FCRL5: variants seen among roughly 807,000 people sequenced by gnomAD.
The protein encoded by FCRL5 is Fc receptor like 5.
Under a neutral mutation model 92.1 loss-of-function variants are expected in FCRL5, and 79 were observed. The observed-to-expected ratio is 0.86, with a 90% CI of 0.72 to 1.03. The LOEUF (loss-of-function observed/expected upper bound fraction) is 1.03. Ranked by LOEUF, FCRL5 falls within the 50% of genes least tolerant of loss-of-function variation. The pLI, the probability that FCRL5 is intolerant of heterozygous loss-of-function variation, is 0.00. For synonymous variants in FCRL5, 466 were observed against 469.3 expected, an observed-to-expected ratio of 0.99 and a Z score of 0.09; for missense variants, 1,160 against 1,181.1, an observed-to-expected ratio of 0.98 and a Z score of 0.26.
chr1:157,519,762 G>C lies in FCRL5; in HGVS notation c.2641C>G (p.Pro881Ala), dbSNP rs1433085618. The part of the protein sequence containing the change: ...CWLSRKAGRK[P>A]ASDPARSPSD... ...TCTTACCTGGCGGGGTCAGAGGCAGGCTTTCTCCCTGTAAAGGAAAGCAGA... is the reference window on the plus strand; with the variant it reads ...TCTTACCTGGCGGGGTCAGAGGCAGCCTTTCTCCCTGTAAAGGAAAGCAGA... The change falls in exon 13 of 17, where the codon CCT (proline) becomes GCT (alanine). Residue 881 changes from proline (P) to alanine (A), a missense_variant. Coordinates refer to ENST00000361835, the MANE Select transcript of FCRL5 (RefSeq NM_031281.3). The C allele has an allele frequency of 6.8e-6, 11 of 1,614,042 alleles. No homozygotes were observed. In the East Asian group the frequency reaches 2.0e-4, roughly 29 times the overall value.
chr1:157,526,780 G>A (rs1650446774), intron 9 of FCRL5, among the ~76,000 whole-genome samples: 1 of 152,072 alleles, frequency 6.6e-6, no homozygotes, highest in African/African-American at 2.4e-5. Context: ...TGGGAGTTCT[G>A]TTGAGGTCTG....
chr1:157,530,702 G>T (rs188365623), intron 8 of FCRL5, among the ~76,000 whole-genome samples: 120 of 152,318 alleles, frequency 7.9e-4, no homozygotes, highest in African/African-American at 2.8e-3. Flanking sequence ...CCATTGTATA[G>T]ATATGCTATA....
At chr1:157,518,634 C>T in intron 14 of FCRL5, 66 bp downstream of exon 14, 1 of 1,511,022 alleles carries the variant, frequency 6.6e-7, no homozygotes, top group Non-Finnish European at 9.1e-7. Flanking sequence ...CTCCCCATCT[C>T]CTGCCCCACC....
Position 157,520,466 on chromosome 1 carries a change from G to A in FCRL5, c.2597C>T (p.Ala866Val). Residue 866 changes from alanine (A) to valine (V), a missense_variant, in exon 12 of 17, where the codon GCA becomes GTA. Physicochemically the swap from Ala to Val is moderately conservative, Grantham distance 64. Coordinates refer to ENST00000361835, the MANE Select transcript of FCRL5 (RefSeq NM_031281.3). Reference sequence around the variant, plus strand: ...CGAGAGCCAGCAGTAGAGCAGCAGTGCCCCCGCAGCAAGGCCTGCTATGCT... The same window carrying A: ...CGAGAGCCAGCAGTAGAGCAGCAGTACCCCCGCAGCAAGGCCTGCTATGCT... ...LLSIAGLAAG[A>V]LLLYCWLSRK... The A allele has an allele frequency of 6.4e-7, 1 of 1,573,622 alleles. No homozygotes were observed. Among genetic ancestry groups the A allele is most frequent in the Non-Finnish European group, 8.6e-7 (1 of 1,158,984 alleles).
At chr1:157,520,967 G>T in intron 11 of FCRL5, 50 bp downstream of exon 11, 1 of 1,555,928 alleles carries the variant, frequency 6.4e-7, no homozygotes. Context: ...CAGAGGGTCC[G>T]CGGAGGAAAC....
rs1171986674 is a variant in FCRL5 at position 157,524,433 on chromosome 1, A to G, written c.2085T>C (p.His695=). ...GSSPILYWFY[H]EDVTLGKISA... ...AGATCTTACCCAGGGTGACATCTTC[A>G]TGATAAAACCAGTACAGGATTGGGG... Residue 695 remains histidine (H), a synonymous_variant, in exon 10 of 17, where the codon CAT becomes CAC. Transcript: ENST00000361835. 1 of 1,614,228 alleles carries G rather than the reference A, an allele frequency of 6.2e-7. No individual in the cohort carries two copies. Among genetic ancestry groups the G allele is most frequent in the Non-Finnish European group, 8.5e-7 (1 of 1,180,032 alleles).
At chr1:157,524,605 T>A (rs1650351229) in intron 9 of FCRL5, 48 bp from the exon 10 acceptor site, 1 of 1,515,686 alleles carries the variant, frequency 6.6e-7, no homozygotes, top group Non-Finnish European at 8.9e-7. Flanking sequence ...CTAAAATATA[T>A]TCCTTCATGC....
At chr1:157,541,747 T>G (rs1651271240) in intron 6 of FCRL5, 1 of 152,286 alleles carries the variant, frequency 6.6e-6, no homozygotes, top group South Asian at 2.1e-4. Context: ...TATTAGCCCC[T>G]ACGAACTGTG....
At chr1:157,523,083 G>T (rs950848217) in intron 10 of FCRL5, among the ~76,000 whole-genome samples, 1 of 152,192 alleles carries the variant, frequency 6.6e-6, no homozygotes, top group African/African-American at 2.4e-5. Flanking sequence ...GGTTGCACTG[G>T]CTACTTTGTG....
rs1227419032 is a variant in FCRL5, at chr1:157,513,825, A to G, written c.*1850T>C. 1 of 152,154 alleles carries G rather than the reference A, an allele frequency of 6.6e-6. No homozygotes were observed. The highest frequency in any genetic ancestry group is 1.5e-5 in the Non-Finnish European group (1 of 68,042). The allele number at this position is 152,154 out of a possible 1,614,324, so 9.4% of individuals were successfully genotyped here. ...CTTTGTTGGTGATGTGACCTCCAGAACAGACTGTGAGCAGATTTTTTTCTT... is the reference window on the plus strand; with the variant it reads ...CTTTGTTGGTGATGTGACCTCCAGAGCAGACTGTGAGCAGATTTTTTTCTT... On this transcript the variant is annotated 3_prime_UTR_variant, in exon 17 of 17. Coordinates refer to ENST00000361835, the MANE Select transcript of FCRL5 (RefSeq NM_031281.3).
intron 9 of FCRL5, among the ~76,000 whole-genome samples, chr1:157,525,064 G>A (rs1650368300): frequency 6.6e-6 from 1 of 152,174 alleles, no homozygotes; most frequent in African/African-American, 2.4e-5. Flanking sequence ...CATTTAATAA[G>A]TCCCAAGAAT....
intron 8 of FCRL5, 152 bp from the exon 9 acceptor site, chr1:157,528,047 T>A (rs987053087): frequency 6.9e-6 from 6 of 863,444 alleles, no homozygotes; most frequent in Non-Finnish European, 1.0e-5. Flanking sequence ...ACTGATGACA[T>A]GATTGTATAC....
chr1:157,530,343 A>G (rs2101615886), intron 8 of FCRL5, among the ~76,000 whole-genome samples: 2 of 152,302 alleles, frequency 1.3e-5, no homozygotes, highest in Middle Eastern at 3.4e-3. Flanking sequence ...CAACTTGATA[A>G]TTTTGGAAAT....
chr1:157,544,268 C>A lies in FCRL5; in HGVS notation c.838G>T (p.Val280Leu). 1 of 1,614,076 alleles carries A rather than the reference C, an allele frequency of 6.2e-7. No individual in the cohort carries two copies. The highest frequency in any genetic ancestry group is 8.5e-7 in the Non-Finnish European group (1 of 1,179,926). Residue 280 changes from valine to leucine, a missense_variant, in exon 5 of 17, where the codon GTG (valine) becomes TTG (leucine). Physicochemically the swap from Val to Leu is conservative, Grantham distance 32. Transcript: ENST00000361835. Reference protein sequence around the residue: ...ISDSPRSWIQVQIPASHPVLT... With the variant: ...ISDSPRSWIQLQIPASHPVLT... ...AGGTTCCACCAACACTTACTCTGCA[C>A]CTGTATCCAGGATCTCGGGCTGTCA... is the stretch of plus-strand genomic sequence containing the variant.
chr1:157,539,471 A>C (rs1250709866), intron 6 of FCRL5, 107 bp from the exon 7 acceptor site: 1 of 1,074,242 alleles, frequency 9.3e-7, no homozygotes, highest in Admixed American at 2.9e-5. Flanking sequence ...CAAAGGGAAA[A>C]GTCAAGCTGG....
At chr1:157,549,438 A>G (rs1571116441) in intron 2 of FCRL5, 122 bp downstream of exon 2, 1 of 925,096 alleles carries the variant, frequency 1.1e-6, no homozygotes, top group Admixed American at 2.8e-5. Context: ...AGTATAATAA[A>G]AAAAAGGAAA....
At chr1:157,528,940 A>G (rs1394630521) in intron 8 of FCRL5, among the ~76,000 whole-genome samples, 1 of 152,234 alleles carries the variant, frequency 6.6e-6, no homozygotes, top group Non-Finnish European at 1.5e-5. Context: ...CAAATGCAAC[A>G]AAAACAATAA....
At chr1:157,518,183 G>A (rs59128415) in intron 15 of FCRL5, among the ~76,000 whole-genome samples, 11,284 of 152,224 alleles carry the variant, frequency 0.074, 1,094 homozygotes, top group African/African-American at 0.22. Context: ...GAGGTTAAGC[G>A]AATGCCCAAA....
At chr1:157,530,294 G>A (rs74978874) in intron 8 of FCRL5, among the ~76,000 whole-genome samples, 1,998 of 152,236 alleles carry the variant, frequency 0.013, 37 homozygotes, top group African/African-American at 0.046. Context: ...CTTTATTAAA[G>A]CATAATTTAC....
Sources: allele counts gnomAD v4.1 joint callset (sites outside exome capture counted in the v4.1 genomes callset), GRCh38; gene constraint gnomAD v4.1.1; transcripts MANE v1.5; gene names NCBI Gene and HGNC (gene_info 2026-07-23, HGNC 2026-07-21).